Variants in PPM1H observed in about 807,000 individuals in gnomAD.
PPM1H encodes the protein protein phosphatase, Mg2+/Mn2+ dependent 1H.
Under a neutral mutation model 54.9 loss-of-function variants are expected in PPM1H, and 27 were observed. The observed-to-expected ratio is 0.49, with a 90% confidence interval of 0.36 to 0.68. PPM1H has a LOEUF of 0.68. Among genes scored for constraint, PPM1H ranks in the 30% least tolerant of loss-of-function variants. The pLI is 0.00. For synonymous variants in PPM1H, 305 were observed against 270.8 expected, an observed-to-expected ratio of 1.13 and a Z score of -1.24; for missense variants, 596 against 667.8, an observed-to-expected ratio of 0.89 and a Z score of 1.19.
At chr12:62,751,807 C>G (rs1013100888) in intron 4 of PPM1H, among the ~76,000 whole-genome samples, 1 of 152,172 alleles carries the variant, frequency 6.6e-6, no homozygotes, top group Non-Finnish European at 1.5e-5. Context: ...TGGAAGTAAA[C>G]AGGACCTCTT....
intron 1 of PPM1H, among the ~76,000 whole-genome samples, chr12:62,928,395 C>A (rs999178096): frequency 6.6e-6 from 1 of 152,200 alleles, no homozygotes; most frequent in African/African-American, 2.4e-5. Flanking sequence ...TTCAATCCTG[C>A]ATCTTTTGCA....
At chr12:62,732,931 T>A (rs1274272612) in intron 5 of PPM1H, among the ~76,000 whole-genome samples, 1 of 152,222 alleles carries the variant, frequency 6.6e-6, no homozygotes, top group Non-Finnish European at 1.5e-5. Context: ...AGGAAGATGA[T>A]ACAACTATCA....
At chr12:62,838,888 T>C (rs1194029960) in intron 1 of PPM1H, among the ~76,000 whole-genome samples, 3 of 73,152 alleles carry the variant, frequency 4.1e-5, no homozygotes, top group African/African-American at 7.5e-5. Context: ...GCCACTGCAC[T>C]CCAGCCTGGG....
At chr12:62,670,280 T>C (rs1175388064) in intron 8 of PPM1H, among the ~76,000 whole-genome samples, 2 of 152,140 alleles carry the variant, frequency 1.3e-5, no homozygotes. Context: ...CCTGGCCGAT[T>C]CCTAGCTTCT....
chr12:62,713,075 A>C (rs1004439301), intron 6 of PPM1H, among the ~76,000 whole-genome samples: 1 of 152,196 alleles, frequency 6.6e-6, no homozygotes, highest in Non-Finnish European at 1.5e-5. Flanking sequence ...CTATATTTGT[A>C]AAACCCAACC....
At chr12:62,669,600 G>A (rs1227443195) in intron 8 of PPM1H, among the ~76,000 whole-genome samples, 1 of 152,128 alleles carries the variant, frequency 6.6e-6, no homozygotes, top group South Asian at 2.1e-4. Context: ...TTGACAGACT[G>A]TAAATGTCAC....
intron 8 of PPM1H, among the ~76,000 whole-genome samples, chr12:62,680,300 CCTCT>C (rs1171643573): frequency 7.0e-6 from 1 of 143,396 alleles, no homozygotes; most frequent in African/African-American, 2.6e-5. Flanking sequence ...TTACTTCCTT[CCTCT>C]CTCTCTTGCT....
chr12:62,750,004 T>C (rs2076432970), intron 4 of PPM1H, among the ~76,000 whole-genome samples: 1 of 151,724 alleles, frequency 6.6e-6, no homozygotes, highest in African/African-American at 2.4e-5. Flanking sequence ...CAGCGCAAAA[T>C]TTTCCAGATC....
At chr12:62,762,675 G>C (rs1205588339) in intron 4 of PPM1H, among the ~76,000 whole-genome samples, 2 of 152,148 alleles carry the variant, frequency 1.3e-5, no homozygotes, top group African/African-American at 4.8e-5. Flanking sequence ...GCCACCACTG[G>C]GCCATTTCTG....
chr12:62,697,085 T>C (rs1040094295), intron 6 of PPM1H, among the ~76,000 whole-genome samples: 4 of 151,668 alleles, frequency 2.6e-5, no homozygotes, highest in Admixed American at 2.0e-4. Flanking sequence ...CGGTACTGGG[T>C]CTACAGAGAA....
intron 5 of PPM1H, among the ~76,000 whole-genome samples, chr12:62,735,905 A>G (rs2076347136): frequency 6.6e-6 from 1 of 152,228 alleles, no homozygotes; most frequent in African/African-American, 2.4e-5. Flanking sequence ...TGTCCTGGAA[A>G]TGGAAGGTAG....
chr12:62,706,873 T>C (rs963741092), intron 6 of PPM1H, among the ~76,000 whole-genome samples: 4 of 152,252 alleles, frequency 2.6e-5, no homozygotes, highest in African/African-American at 7.2e-5. Context: ...GTTTTTATAA[T>C]GGTCAGTCGC....
intron 4 of PPM1H, among the ~76,000 whole-genome samples, chr12:62,777,580 G>A (rs2076618682): frequency 1.3e-5 from 2 of 152,126 alleles, no homozygotes; most frequent in South Asian, 2.1e-4. Flanking sequence ...GGATTGAGGT[G>A]TATATATAAG....
intron 1 of PPM1H, among the ~76,000 whole-genome samples, chr12:62,836,502 T>G (rs1868507564): frequency 6.6e-6 from 1 of 152,242 alleles, no homozygotes; most frequent in Non-Finnish European, 1.5e-5. Context: ...GCTGCCACTG[T>G]TACTCCCTTT....
chr12:62,688,799 C>A (rs2016068), intron 8 of PPM1H, among the ~76,000 whole-genome samples: 2,350 of 152,126 alleles, frequency 0.015, 53 homozygotes, highest in Admixed American at 0.065. Context: ...AGTTCAACAC[C>A]AGCCTAACCA....
chr12:62,736,802 T>C (rs1320128029), intron 5 of PPM1H, among the ~76,000 whole-genome samples: 2 of 152,178 alleles, frequency 1.3e-5, no homozygotes, highest in African/African-American at 4.8e-5. Flanking sequence ...CCTAGAGGTA[T>C]CTGCCCCAAG....
intron 1 of PPM1H, among the ~76,000 whole-genome samples, chr12:62,875,428 G>T (rs1162137466): frequency 6.6e-6 from 1 of 152,188 alleles, no homozygotes; most frequent in Non-Finnish European, 1.5e-5. Flanking sequence ...CCCTTACAGG[G>T]TGAATGTAAG....
chr12:62,728,574 CACCTTCCAGA>C (rs1344971402), intron 5 of PPM1H, among the ~76,000 whole-genome samples: 1 of 152,228 alleles, frequency 6.6e-6, no homozygotes, highest in Non-Finnish European at 1.5e-5. Context: ...GAAGAAGAGG[CACCTTCCAGA>C]ACCTTCCAGT....
At chr12:62,658,114 C>T (rs11174585) in intron 9 of PPM1H, among the ~76,000 whole-genome samples, 47,734 of 141,714 alleles carry the variant, frequency 0.34, 8,442 homozygotes, top group South Asian at 0.47. Flanking sequence ...CACCTGCAAT[C>T]CCAGCACTTT....
Sources: allele counts gnomAD v4.1 joint callset (sites outside exome capture counted in the v4.1 genomes callset), GRCh38; gene constraint gnomAD v4.1.1; transcripts MANE v1.5; gene names NCBI Gene and HGNC (gene_info 2026-07-23, HGNC 2026-07-21).